MARCHF6: variants seen among roughly 807,000 people sequenced by gnomAD.
MARCHF6 encodes the protein membrane associated ring-CH-type finger 6.
In MARCHF6, 31 loss-of-function variants were observed where a neutral mutation model predicts 133.7. The observed-to-expected ratio is 0.23, with a 90% confidence interval of 0.17 to 0.31. The LOEUF is 0.31. Among genes scored for constraint, MARCHF6 ranks in the 10% least tolerant of loss-of-function variants. The pLI is 1.00. For synonymous variants in MARCHF6, 395 were observed against 402.5 expected (o/e 0.98, Z 0.22); for missense variants, 723 against 1,121.6 (o/e 0.64, Z 5.08).
chr5:10,406,449 G>T (rs188745765), intron 16 of MARCHF6, among the ~76,000 whole-genome samples: 182 of 151,406 alleles, frequency 1.2e-3, no homozygotes, highest in African/African-American at 4.2e-3. Flanking sequence ...GAGTGCGGTG[G>T]TATGATCTTG....
chr5:10,414,384 A>G (rs770610983), intron 19 of MARCHF6, 49 bp from the exon 20 acceptor site: 2 of 1,009,330 alleles, frequency 2.0e-6, no homozygotes, highest in Non-Finnish European at 3.1e-6. Flanking sequence ...GATAAAATAC[A>G]TTGAGCACGT....
In MARCHF6 at chr5:10,436,391, C is replaced by T. The variant is rs370328717; in HGVS notation, c.*2707C>T. The stretch of plus-strand genomic sequence containing the variant: ...GCATAATATTTGCTTGGGTAGCATC[C>T]GGGTTTTAGTATTTAACCAAGAGCC... On this transcript the variant is annotated 3_prime_UTR_variant, in exon 26 of 26. Coordinates refer to ENST00000274140, the MANE Select transcript of MARCHF6 (RefSeq NM_005885.4). 21 of 152,208 alleles carry T rather than the reference C, an allele frequency of 1.4e-4. No individual in the cohort carries two copies. Among genetic ancestry groups the T allele is most frequent in the East Asian group, 5.8e-4 (3 of 5,190 alleles). The allele number at this position is 152,208 out of a possible 1,614,324, so 9.4% of individuals were successfully genotyped here.
chr5:10,419,016 G>C (rs973144267), intron 22 of MARCHF6, among the ~76,000 whole-genome samples: 7 of 152,206 alleles, frequency 4.6e-5, no homozygotes, highest in African/African-American at 1.7e-4. Flanking sequence ...TTCCAGGAGG[G>C]AGATGGGCAG....
intron 19 of MARCHF6, among the ~76,000 whole-genome samples, chr5:10,412,675 C>T (rs563786825): frequency 4.1e-4 from 63 of 152,216 alleles, no homozygotes; most frequent in African/African-American, 1.4e-3. Flanking sequence ...TGGGTTCAAG[C>T]GATCCTCCTA....
intron 10 of MARCHF6, among the ~76,000 whole-genome samples, chr5:10,400,118 T>C (rs1383110922): frequency 6.6e-6 from 1 of 152,220 alleles, no homozygotes; most frequent in Non-Finnish European, 1.5e-5. Context: ...TCAGCTGATA[T>C]CAACCTGGGC....
At chr5:10,410,324 A>G (rs767862838) in intron 18 of MARCHF6, 48 bp downstream of exon 18, 5 of 1,591,564 alleles carry the variant, frequency 3.1e-6, no homozygotes, top group Non-Finnish European at 4.3e-6. Context: ...ATTTGTGACT[A>G]TGGAATAACC....
At chr5:10,377,504 G>A (rs1736862737) in intron 1 of MARCHF6, among the ~76,000 whole-genome samples, 1 of 152,152 alleles carries the variant, frequency 6.6e-6, no homozygotes, top group South Asian at 2.1e-4. Flanking sequence ...ATTTGTTGTG[G>A]AGAGCGCAGT....
At position 10,433,462 on chromosome 5, in the gene MARCHF6, T is replaced by C. The variant is rs1740465942; in HGVS notation, c.2643-132T>C. 3 of 665,356 alleles carry C rather than the reference T, an allele frequency of 4.5e-6. No homozygotes were observed. In the East Asian group the frequency reaches 8.4e-5, roughly 19 times the overall value. 41.2% of individuals were successfully genotyped at this position (665,356 alleles called of 1,614,324 possible). A position where few individuals can be genotyped will look rare whatever the true frequency, so the allele number is the denominator to read the frequency against. On this transcript the variant is annotated intron_variant, in intron 25 of 25. Transcript: ENST00000274140. ...GTAGATGTGTCAGCCTTTACAGGTG[T>C]TCACTCGGGACTCCCTTTGACTTGC...
intron 1 of MARCHF6, among the ~76,000 whole-genome samples, chr5:10,358,836 G>A (rs1735640367): frequency 6.6e-6 from 1 of 152,154 alleles, no homozygotes; most frequent in South Asian, 2.1e-4. Flanking sequence ...ATACAAATCT[G>A]TCATGAAATG....
intron 11 of MARCHF6, 107 bp downstream of exon 11, chr5:10,400,949 C>A: frequency 1.1e-6 from 1 of 890,638 alleles, no homozygotes; most frequent in South Asian, 1.5e-5. Flanking sequence ...TGGCATTATG[C>A]AAGGGAATAG....
At chr5:10,365,460 C>T (rs1198300669) in intron 1 of MARCHF6, among the ~76,000 whole-genome samples, 1 of 152,140 alleles carries the variant, frequency 6.6e-6, no homozygotes, top group Non-Finnish European at 1.5e-5. Flanking sequence ...GCCACCACAC[C>T]TGGCTAATTT....
At chr5:10,426,556 C>T (rs1396621691) in intron 24 of MARCHF6, 34 bp downstream of exon 24, 1 of 1,609,258 alleles carries the variant, frequency 6.2e-7, no homozygotes, top group Non-Finnish European at 8.5e-7. Context: ...CTTGAAGGAG[C>T]ACTTTTATTA....
intron 1 of MARCHF6, among the ~76,000 whole-genome samples, chr5:10,357,304 C>T (rs937976926): frequency 4.1e-5 from 6 of 147,616 alleles, no homozygotes; most frequent in Non-Finnish European, 8.9e-5. Context: ...TAATATTAAA[C>T]ATTTTGTCAT....
At chr5:10,382,848 A>T (rs1245354091) in intron 4 of MARCHF6, among the ~76,000 whole-genome samples, 1 of 152,164 alleles carries the variant, frequency 6.6e-6, no homozygotes, top group African/African-American at 2.4e-5. Context: ...AATAAAATTT[A>T]AAAATACTCA....
chr5:10,377,689 A>G (rs1242138065), intron 1 of MARCHF6, 109 bp from the exon 2 acceptor site: 3 of 657,896 alleles, frequency 4.6e-6, no homozygotes, highest in Non-Finnish European at 2.8e-6. Context: ...ATGTTTTGTC[A>G]AGTGATAGAT....
intron 1 of MARCHF6, among the ~76,000 whole-genome samples, chr5:10,354,927 T>C (rs1247395983): frequency 6.6e-6 from 1 of 152,148 alleles, no homozygotes; most frequent in Non-Finnish European, 1.5e-5. Flanking sequence ...ATGTAATGAG[T>C]TGATAACGAC....
At chr5:10,360,228 CA>C (rs1735741829) in intron 1 of MARCHF6, among the ~76,000 whole-genome samples, 1 of 137,620 alleles carries the variant, frequency 7.3e-6, no homozygotes, top group African/African-American at 2.7e-5. Flanking sequence ...CAGCTCATTG[CA>C]ACCTCCGCCT....
At chr5:10,402,175 T>C (rs1738578876) in intron 12 of MARCHF6, 36 bp downstream of exon 12, 1 of 1,304,460 alleles carries the variant, frequency 7.7e-7, no homozygotes, top group African/African-American at 1.5e-5. Context: ...TGTACACTAA[T>C]ATTATTCATA....
chr5:10,367,911 C>T (rs1736231068), intron 1 of MARCHF6, among the ~76,000 whole-genome samples: 3 of 152,214 alleles, frequency 2.0e-5, no homozygotes, highest in African/African-American at 7.2e-5. Flanking sequence ...CTTTGAAAAC[C>T]AGGAAGAGCT....
Sources: gnomAD v4.1 joint callset for allele counts (sites outside exome capture counted in the v4.1 genomes callset) on GRCh38, gnomAD v4.1.1 for gene constraint, MANE v1.5 for transcripts, NCBI Gene and HGNC (gene_info 2026-07-23, HGNC 2026-07-21) for gene names.